MAGEC1: variants seen among roughly 807,000 people sequenced by gnomAD.
MAGEC1 encodes the protein melanoma-associated antigen C1.
A neutral mutation model predicts 1.5 loss-of-function variants in MAGEC1; 3 were observed. That is an observed-to-expected ratio of 1.97 (90% CI 0.90 to 5.10). MAGEC1 has a LOEUF of 5.10. Ranked by LOEUF, MAGEC1 falls within the 30% of genes most tolerant of loss-of-function variation. The pLI is 0.02. For missense variants in MAGEC1, 985 were observed against 803.1 expected (o/e 1.23, Z -2.74); for synonymous variants, 357 against 310.4 (o/e 1.15, Z -1.58).
At chrX:141,905,182 A>T (rs2018170663) in intron 3 of MAGEC1, 106 bp downstream of exon 3, 1 of 1,098,839 alleles carries the variant, frequency 9.1e-7, no homozygotes, top group East Asian at 3.0e-5. Context: ...GCTCCTGAAC[A>T]ATATTCATCA....
rs1394134872 is a variant in MAGEC1, at chrX:141,908,860, G to A, written c.*27G>A. On this transcript the variant is annotated 3_prime_UTR_variant, in exon 4 of 4. Coordinates refer to ENST00000285879, the MANE Select transcript of MAGEC1 (RefSeq NM_005462.5). ...GTCTAGGGCAGATTCTTCCCTCTGA[G>A]TTTGAAGGGGGCAGTCGAGTTTCTA... 9 of 1,145,316 alleles carry A rather than the reference G, an allele frequency of 7.9e-6. No homozygotes were observed. Among genetic ancestry groups the A allele is most frequent in the Non-Finnish European group, 9.3e-6 (8 of 856,904 alleles). The allele number at this position is 1,145,316 out of a possible 1,213,427, so 94.4% of individuals were successfully genotyped here.
chrX:141,905,334 A>G (rs2018171767), intron 3 of MAGEC1, 75 bp from the exon 4 acceptor site: 2 of 1,005,014 alleles, frequency 2.0e-6, no homozygotes, highest in African/African-American at 3.8e-5. Flanking sequence ...TCCTCTTTCC[A>G]CTTTTTATTC....
rs777970450 is a variant in MAGEC1 at position 141,907,685 on chromosome X, GAGAGTCCTC to G, written c.2291_2299del (p.Gln764_Pro766del). 2.5e-5 allele frequency: 30 copies of G among 1,205,292 alleles called. No homozygotes were observed. The Middle Eastern group carries it at 2.3e-3, about 93-fold the overall frequency. On this transcript the variant is annotated inframe_deletion, in exon 4 of 4. Coordinates refer to ENST00000285879, the MANE Select transcript of MAGEC1 (RefSeq NM_005462.5). ...TTTGAGTCTTCCCCAGAGTTTCCCT[GAGAGTCCTC>G]AGAGTCCTCCTGAGGGGCCTGCTCA...
At position 141,904,983 on chromosome X, in the gene MAGEC1, A is replaced by G; in HGVS notation, c.-90A>G. The stretch of plus-strand genomic sequence containing the variant: ...GTCCTTCTACAGGTTCCCAGAAGAC[A>G]AACCCCCTAGGAAGACAGGCGACCT... On this transcript the variant is annotated 5_prime_UTR_variant, in exon 3 of 4. Transcript: ENST00000285879. 1 of 1,193,385 alleles carries G rather than the reference A, an allele frequency of 8.4e-7. No homozygotes were observed. The highest frequency in any genetic ancestry group is 1.1e-6 in the Non-Finnish European group (1 of 879,943).
rs141900922 is a variant in MAGEC1 at position 141,906,330 on chromosome X, C to T, written c.926C>T (p.Ser309Phe). ...PQSPLQIPVS[S>F]SSSSTLLSLF... ...TCTCCTCTCCAGATTCCTGTGAGCT[C>T]CTCCTCCTCCTCCACTTTATTGAGT... Residue 309 changes from serine to phenylalanine, a missense_variant, in exon 4 of 4, where the codon TCC becomes TTC. Physicochemically the swap from Ser to Phe is radical, Grantham distance 155 (BLOSUM62 -2). Coordinates refer to ENST00000285879, the MANE Select transcript of MAGEC1 (RefSeq NM_005462.5). The T allele has an allele frequency of 4.6e-6, 5 of 1,084,812 alleles. No homozygotes were observed. The highest frequency in any genetic ancestry group is 5.0e-6 in the Non-Finnish European group (4 of 800,385). The allele number at this position is 1,084,812 out of a possible 1,213,427, so 89.4% of individuals were successfully genotyped here.
chrX:141,906,776 C>G lies in MAGEC1; in HGVS notation c.1372C>G (p.Leu458Val), dbSNP rs138737656. Residue 458 changes from leucine (L) to valine (V), a missense_variant, in exon 4 of 4, where the codon CTT becomes GTT. Coordinates refer to ENST00000285879, the MANE Select transcript of MAGEC1 (RefSeq NM_005462.5). ...SSSFSYTLLS[L>V]FQSSPERTHS... ...CTCTTTCTCCTACACTTTATTGAGT[C>G]TTTTCCAGAGTTCCCCTGAGAGAAC... The G allele has an allele frequency of 7.5e-5, 90 of 1,192,944 alleles. No homozygotes were observed. The African/African-American group carries it at 1.5e-3, about 20-fold the overall frequency.
Position 141,908,025 on chromosome X carries a change from C to T in MAGEC1, c.2621C>T (p.Pro874Leu), listed in dbSNP as rs776978351. 2 of 1,211,804 alleles carry T rather than the reference C, an allele frequency of 1.7e-6. No individual in the cohort carries two copies. Among genetic ancestry groups the T allele is most frequent in the Admixed American group, 2.2e-5 (1 of 46,068 alleles). ...LSPFSEESSSPVDEYTSSSDT... is the reference protein window; with the variant it reads ...LSPFSEESSSLVDEYTSSSDT... ...CCATTCAGTGAAGAGTCCAGCAGCC[C>T]AGTAGATGAATATACAAGTTCCTCA... The change falls in exon 4 of 4, where the codon CCA (proline) becomes CTA (leucine). Residue 874 changes from proline to leucine, a missense_variant. Physicochemically the swap from Pro to Leu is moderately conservative, Grantham distance 98. Transcript: ENST00000285879.
At position 141,905,485 on chromosome X, in the gene MAGEC1, G is replaced by C; in HGVS notation, c.81G>C (p.Glu27Asp). The C allele has an allele frequency of 8.3e-7, 1 of 1,210,865 alleles. No individual in the cohort carries two copies. Among genetic ancestry groups the C allele is most frequent in the Non-Finnish European group, 1.1e-6 (1 of 894,440 alleles). Residue 27 changes from glutamate (E) to aspartate (D), a missense_variant, in exon 4 of 4, where the codon GAG becomes GAC. By Grantham distance (45) the Glu-to-Asp change is conservative. Coordinates refer to ENST00000285879, the MANE Select transcript of MAGEC1 (RefSeq NM_005462.5). Reference protein sequence around the residue: ...SSSESPQSCPEGEDSQSPLQI... With the variant: ...SSSESPQSCPDGEDSQSPLQI... ...CTGAGAGTCCTCAGAGTTGTCCTGA[G>C]GGGGAGGACTCCCAGTCTCCTCTCC...
rs372547539 is a variant in MAGEC1 at position 141,907,923 on chromosome X, C to T, written c.2519C>T (p.Ser840Leu). The T allele has an allele frequency of 1.4e-4, 171 of 1,207,723 alleles. No individual in the cohort carries two copies. In the Middle Eastern group the frequency reaches 2.3e-3, roughly 16 times the overall value. ...PVSSFPSSTS[S>L]SLSKSSPESP... ...AGCTCCTTCCCCTCCTCCACTTCAT[C>T]GAGTCTTTCCAAGAGTTCCCCTGAG... is the stretch of plus-strand genomic sequence containing the variant. Residue 840 changes from serine (S) to leucine (L), a missense_variant, in exon 4 of 4, where the codon TCG becomes TTG. By Grantham distance (145) the Ser-to-Leu change is moderately radical. Coordinates refer to ENST00000285879, the MANE Select transcript of MAGEC1 (RefSeq NM_005462.5).
chrX:141,904,409 C>G (rs940448076), intron 1 of MAGEC1, among the ~76,000 whole-genome samples: 1 of 110,548 alleles, frequency 9.0e-6, no homozygotes, highest in African/African-American at 3.3e-5. Context: ...CTGCTGGGAA[C>G]AAGAGTGAGG....
Position 141,905,950 on chromosome X carries a change from C to T in MAGEC1, c.546C>T (p.Ser182=), listed in dbSNP as rs201284732. The change falls in exon 4 of 4, where the codon TCC becomes TCT. Residue 182 remains serine (S), a synonymous_variant. Coordinates refer to ENST00000285879, the MANE Select transcript of MAGEC1 (RefSeq NM_005462.5). The part of the protein sequence containing the change: ...SSTLVSIFQS[S]PESTQSPFEG... The stretch of plus-strand genomic sequence containing the variant: ...CTTTAGTGAGTATTTTCCAGAGTTC[C>T]CCTGAGAGTACTCAAAGTCCTTTTG... 7.9e-5 allele frequency: 95 copies of T among 1,203,898 alleles called. No individual in the cohort carries two copies. Among genetic ancestry groups the T allele is most frequent in the Middle Eastern group, 2.3e-4 (1 of 4,353 alleles).
rs1260910697 is a variant in MAGEC1 at position 141,906,106 on chromosome X, G to C, written c.702G>C (p.Gln234His). The change falls in exon 4 of 4, where the codon CAG becomes CAC. Residue 234 changes from glutamine to histidine, a missense_variant. Transcript: ENST00000285879. ...AGGGTTTTGCCCAGTCTCCTCTCCA[G>C]ATTCCTGTGAGCCCCTCCTCCTCCT... is the stretch of plus-strand genomic sequence containing the variant. ...TFEGFAQSPL[Q>H]IPVSPSSSST... is the part of the protein sequence containing the mutation. 1 of 898,071 alleles carries C rather than the reference G, an allele frequency of 1.1e-6. No homozygotes were observed. The highest frequency in any genetic ancestry group is 1.6e-6 in the Non-Finnish European group (1 of 637,477). The allele number at this position is 898,071 out of a possible 1,213,427, so 74.0% of individuals were successfully genotyped here. A position where few individuals can be genotyped will look rare whatever the true frequency, so the allele number is the denominator to read the frequency against.
chrX:141,909,046 C>G lies in MAGEC1; in HGVS notation c.*213C>G. On this transcript the variant is annotated 3_prime_UTR_variant, in exon 4 of 4. Coordinates refer to ENST00000285879, the MANE Select transcript of MAGEC1 (RefSeq NM_005462.5). Reference sequence around the variant, plus strand: ...AATAGCTTCAGAATCCTAGTTTATGCACATGAGTCGCACATGTATTGCTGT... The same window carrying G: ...AATAGCTTCAGAATCCTAGTTTATGGACATGAGTCGCACATGTATTGCTGT... The G allele has an allele frequency of 6.1e-6, 2 of 325,624 alleles. No individual in the cohort carries two copies. Among genetic ancestry groups the G allele is most frequent in the Non-Finnish European group, 1.1e-5 (2 of 188,097 alleles). The allele number at this position is 325,624 out of a possible 1,213,427, so 26.8% of individuals were successfully genotyped here. A position where few individuals can be genotyped will look rare whatever the true frequency, so the allele number is the denominator to read the frequency against.
rs779265734 is a variant in MAGEC1, at chrX:141,905,208, A to T, written c.4+132A>T. On this transcript the variant is annotated intron_variant, in intron 3 of 3. Transcript: ENST00000285879. ...ATATTCATCATGCCTCTCTTTCTAA[A>T]CCTTCCACGCCCCAGCTTTGAGCAA... 7.8e-5 allele frequency: 81 copies of T among 1,040,578 alleles called. No individual in the cohort carries two copies. The Middle Eastern group carries it at 2.5e-3, about 32-fold the overall frequency. The allele number at this position is 1,040,578 out of a possible 1,213,427, so 85.8% of individuals were successfully genotyped here.
At position 141,908,574 on chromosome X, in the gene MAGEC1, G is replaced by A. The variant is rs148626954; in HGVS notation, c.3170G>A (p.Arg1057Gln). 2.1e-4 allele frequency: 249 copies of A among 1,201,856 alleles called. No individual in the cohort carries two copies. The highest frequency in any genetic ancestry group is 4.6e-4 in the Middle Eastern group (2 of 4,324). ...VWVQEHYLEYREVPNSSPPRY... is the reference protein window; with the variant it reads ...VWVQEHYLEYQEVPNSSPPRY... Reference sequence around the variant, plus strand: ...GTGCAGGAACATTACCTAGAGTACCGGGAGGTGCCCAACTCTTCTCCTCCT... The same window carrying A: ...GTGCAGGAACATTACCTAGAGTACCAGGAGGTGCCCAACTCTTCTCCTCCT... Residue 1057 changes from arginine to glutamine, a missense_variant, in exon 4 of 4, where the codon CGG becomes CAG. Coordinates refer to ENST00000285879, the MANE Select transcript of MAGEC1 (RefSeq NM_005462.5).
Position 141,907,408 on chromosome X carries a change from G to A in MAGEC1, c.2004G>A (p.Glu668=), listed in dbSNP as rs1926974416. The A allele has an allele frequency of 8.4e-7, 1 of 1,194,539 alleles. No homozygotes were observed. Among genetic ancestry groups the A allele is most frequent in the Non-Finnish European group, 1.1e-6 (1 of 888,355 alleles). ...TCCATAGTCCTCAGAGCCCTCCTGA[G>A]GGGATGCACTCCCAATCTCCTCTCC... ...SPLHSPQSPP[E]GMHSQSPLQS... The change falls in exon 4 of 4, where the codon GAG becomes GAA. Residue 668 remains glutamate, a synonymous_variant. Transcript: ENST00000285879.
In MAGEC1 at chrX:141,905,521, G is replaced by A. The variant is rs1324667491; in HGVS notation, c.117G>A (p.Gln39=). The stretch of plus-strand genomic sequence containing the variant: ...CCCAGTCTCCTCTCCAGATTCCCCA[G>A]AGTTCTCCTGAGAGCGACGACACCC... ...EDSQSPLQIP[Q]SSPESDDTLY... is the part of the protein sequence containing the mutation. Residue 39 remains glutamine (Q), a synonymous_variant, in exon 4 of 4, where the codon CAG becomes CAA. Coordinates refer to ENST00000285879, the MANE Select transcript of MAGEC1 (RefSeq NM_005462.5). 4.1e-6 allele frequency: 5 copies of A among 1,210,925 alleles called. No individual in the cohort carries two copies. In the South Asian group the frequency reaches 5.3e-5, roughly 13 times the overall value.
Position 141,906,309 on chromosome X carries a change from C to A in MAGEC1, c.905C>A (p.Pro302His). The change falls in exon 4 of 4, where the codon CCT (proline) becomes CAT (histidine). Residue 302 changes from proline (P) to histidine (H), a missense_variant. Transcript: ENST00000285879. ...QSTFEGFPQS[P>H]LQIPVSSSSS... ...ACTTTTGAGGGTTTTCCCCAGTCTC[C>A]TCTCCAGATTCCTGTGAGCTCCTCC... The A allele has an allele frequency of 1.1e-5, 12 of 1,081,566 alleles. No homozygotes were observed. The highest frequency in any genetic ancestry group is 1.9e-5 in the South Asian group (1 of 52,115). 89.1% of individuals were successfully genotyped at this position (1,081,566 alleles called of 1,213,427 possible).
chrX:141,905,447 C>T lies in MAGEC1; in HGVS notation c.43C>T (p.Leu15Phe). The T allele has an allele frequency of 1.7e-6, 2 of 1,212,068 alleles. No individual in the cohort carries two copies. Among genetic ancestry groups the T allele is most frequent in the Non-Finnish European group, 2.2e-6 (2 of 895,434 alleles). Residue 15 changes from leucine to phenylalanine, a missense_variant, in exon 4 of 4, where the codon CTC becomes TTC. Coordinates refer to ENST00000285879, the MANE Select transcript of MAGEC1 (RefSeq NM_005462.5). ...GCCTACTGCTGGGATGCCGAGTCTTCTCCAGAGTTCCTCTGAGAGTCCTCA... is the reference window on the plus strand; with the variant it reads ...GCCTACTGCTGGGATGCCGAGTCTTTTCCAGAGTTCCTCTGAGAGTCCTCA... ...DMPTAGMPSL[L>F]QSSSESPQSC...
Sources: gnomAD v4.1 joint callset for allele counts (sites outside exome capture counted in the v4.1 genomes callset) on GRCh38, gnomAD v4.1.1 for gene constraint, MANE v1.5 for transcripts, NCBI Gene and HGNC (gene_info 2026-07-23, HGNC 2026-07-21) for gene names.